The following TSNARE1 variants were observed in gnomAD, a reference collection of about 807,000 sequenced individuals.
TSNARE1 encodes the protein t-SNARE domain containing 1.
In TSNARE1, 49 loss-of-function variants were observed where a neutral mutation model predicts 62.0. That is an observed-to-expected ratio of 0.79 (90% CI 0.63 to 1.00). The LOEUF is 1.00. TSNARE1 is among the 50% of genes least tolerant of loss of function. The pLI is 0.00. For missense variants in TSNARE1, 755 were observed against 700.1 expected, an observed-to-expected ratio of 1.08 and a Z score of -0.88; for synonymous variants, 328 against 294.4, an observed-to-expected ratio of 1.11 and a Z score of -1.17.
intron 11 of TSNARE1, chr8:142,278,957 C>CTGCT (rs910975899): frequency 2.4e-5 from 6 of 252,852 alleles, no homozygotes; most frequent in Middle Eastern, 1.9e-3. Flanking sequence ...AGGTCACCTG[C>CTGCT]TGCTCCCTGG....
At position 142,255,479 on chromosome 8, in the gene TSNARE1, T is replaced by TCACCAC. The variant is rs1818396931; in HGVS notation, c.1446+19301_1446+19302insGTGGTG. Among the ~76,000 whole-genome samples, 2 of 22,234 alleles carry TCACCAC rather than the reference T, an allele frequency of 9.0e-5. 1 individual carries two copies. Among genetic ancestry groups the TCACCAC allele is most frequent in the Admixed American group, 9.2e-4 (2 of 2,174 alleles). 14.6% of individuals were successfully genotyped at this position (22,234 alleles called of 152,430 possible). ...ATCACCATCACCATCACCACCACCA[T>TCACCAC]CACCATCATCATCACCACCACCACC... is the stretch of plus-strand genomic sequence containing the variant. On this transcript the variant is annotated intron_variant, in intron 12 of 13. Coordinates refer to ENST00000524325, the MANE Select transcript of TSNARE1 (RefSeq NM_145003.5).
At chr8:142,219,830 C>T (rs548724115) in intron 13 of TSNARE1, among the ~76,000 whole-genome samples, 3 of 152,330 alleles carry the variant, frequency 2.0e-5, no homozygotes, top group Admixed American at 6.5e-5. Flanking sequence ...TCCTTCACCC[C>T]GAAGGCCCGC....
intron 1 of TSNARE1, 98 bp downstream of exon 1, chr8:142,403,006 C>G (rs1838418234): frequency 2.7e-5 from 4 of 148,950 alleles, no homozygotes; most frequent in Admixed American, 2.7e-4. Flanking sequence ...CCGCGGCCCC[C>G]GCCGGGCTCC....
intron 11 of TSNARE1, chr8:142,277,687 T>C (rs1284634352): frequency 1.5e-5 from 15 of 985,270 alleles, no homozygotes; most frequent in Non-Finnish European, 1.8e-5. Context: ...TCAAAGCAGC[T>C]CACAGGCACC....
intron 1 of TSNARE1, among the ~76,000 whole-genome samples, chr8:142,392,284 A>C (rs1837586356): frequency 6.6e-6 from 1 of 152,146 alleles, no homozygotes; most frequent in African/African-American, 2.4e-5. Context: ...GGCCTCCCAA[A>C]GTGCTGGGAT....
intron 12 of TSNARE1, among the ~76,000 whole-genome samples, chr8:142,241,768 C>T (rs921358261): frequency 6.6e-6 from 1 of 151,798 alleles, no homozygotes; most frequent in Non-Finnish European, 1.5e-5. Flanking sequence ...ACAGTCTCTG[C>T]AACAAATGGT....
At chr8:142,249,871 C>A (rs550106665) in intron 12 of TSNARE1, among the ~76,000 whole-genome samples, 2 of 152,236 alleles carry the variant, frequency 1.3e-5, no homozygotes, top group Non-Finnish European at 2.9e-5. Flanking sequence ...GCCAGACCGG[C>A]CCATGGTGGC....
intron 6 of TSNARE1, among the ~76,000 whole-genome samples, chr8:142,325,514 G>A (rs762906630): frequency 6.6e-6 from 1 of 152,212 alleles, no homozygotes; most frequent in East Asian, 1.9e-4. Flanking sequence ...TGAGAAGTGC[G>A]TGGACACGGG....
At position 142,275,224 on chromosome 8, in the gene TSNARE1, T is replaced by A. The variant is rs867507941; in HGVS notation, c.1364-361A>T. On this transcript the variant is annotated intron_variant, in intron 11 of 13. Coordinates refer to ENST00000524325, the MANE Select transcript of TSNARE1 (RefSeq NM_145003.5). ...TGCCTGGGCCAGCCCCTCCACTCTGTGGCCACGGCCCCCTCTGAAGGGGCA... is the reference window on the plus strand; with the variant it reads ...TGCCTGGGCCAGCCCCTCCACTCTGAGGCCACGGCCCCCTCTGAAGGGGCA... The A allele has an allele frequency of 3.0e-6, 3 of 985,272 alleles. No individual in the cohort carries two copies. The East Asian group carries it at 3.4e-4, about 112-fold the overall frequency. 61.0% of individuals were successfully genotyped at this position (985,272 alleles called of 1,614,324 possible). A position where few individuals can be genotyped will look rare whatever the true frequency, so the allele number is the denominator to read the frequency against.
intron 10 of TSNARE1, among the ~76,000 whole-genome samples, chr8:142,292,164 A>G (rs1034610315): frequency 6.6e-6 from 1 of 152,138 alleles, no homozygotes; most frequent in African/African-American, 2.4e-5. Flanking sequence ...CCCAGCCAGT[A>G]GCCAGAACAC....
intron 12 of TSNARE1, among the ~76,000 whole-genome samples, chr8:142,246,670 G>A (rs191068825): frequency 2.6e-5 from 4 of 152,286 alleles, no homozygotes; most frequent in Admixed American, 1.3e-4. Flanking sequence ...CGTCTTCCCC[G>A]TGGAGGCTGG....
At chr8:142,262,948 C>T (rs900976101) in intron 12 of TSNARE1, among the ~76,000 whole-genome samples, 8 of 152,324 alleles carry the variant, frequency 5.3e-5, no homozygotes, top group African/African-American at 1.2e-4. Context: ...GGACTTTAGA[C>T]GAGCCACTTC....
chr8:142,214,315 C>T (rs554095864), intron 13 of TSNARE1, among the ~76,000 whole-genome samples: 17 of 152,340 alleles, frequency 1.1e-4, no homozygotes, highest in African/African-American at 2.9e-4. Flanking sequence ...CCCTTCATTC[C>T]GCCATGGGGC....
chr8:142,373,615 A>ACGCCCC (rs953461455), intron 1 of TSNARE1, among the ~76,000 whole-genome samples: 1 of 149,796 alleles, frequency 6.7e-6, no homozygotes, highest in Non-Finnish European at 1.5e-5. Flanking sequence ...GCTCTCTGTG[A>ACGCCCC]CGCCCCCACC....
At chr8:142,245,450 C>G (rs1035088785) in intron 12 of TSNARE1, among the ~76,000 whole-genome samples, 7 of 152,194 alleles carry the variant, frequency 4.6e-5, no homozygotes, top group African/African-American at 1.7e-4. Context: ...ATAAATCATG[C>G]TAGGGTCACA....
Position 142,277,633 on chromosome 8 carries a change from G to C in TSNARE1, c.1364-2770C>G, listed in dbSNP as rs1168683989. On this transcript the variant is annotated intron_variant, in intron 11 of 13. Coordinates refer to ENST00000524325, the MANE Select transcript of TSNARE1 (RefSeq NM_145003.5). ...GGCCCTGTCCTAAGCACTCTCGCTT[G>C]GGAATTCAACACGTCAGTTGCTGTC... 5 of 985,314 alleles carry C rather than the reference G, an allele frequency of 5.1e-6. No homozygotes were observed. The African/African-American group carries it at 7.0e-5, about 14-fold the overall frequency. The allele number at this position is 985,314 out of a possible 1,614,324, so 61.0% of individuals were successfully genotyped here.
intron 1 of TSNARE1, among the ~76,000 whole-genome samples, chr8:142,369,006 G>A (rs1835749169): frequency 1.3e-5 from 2 of 152,198 alleles, no homozygotes; most frequent in South Asian, 4.1e-4. Flanking sequence ...CAGGGAGAGG[G>A]AAGGGTCACT....
chr8:142,269,470 A>G (rs1328156434), intron 12 of TSNARE1: 1 of 985,358 alleles, frequency 1.0e-6, no homozygotes, highest in Non-Finnish European at 1.2e-6. Flanking sequence ...GGCCACTGTC[A>G]GCCGTGCTGG....
chr8:142,308,931 T>C (rs1388692514), intron 9 of TSNARE1, among the ~76,000 whole-genome samples: 1 of 152,216 alleles, frequency 6.6e-6, no homozygotes, highest in Non-Finnish European at 1.5e-5. Context: ...GACATCTCCA[T>C]AAGCACAGCA....
Sources: gnomAD v4.1 joint callset for allele counts (sites outside exome capture counted in the v4.1 genomes callset) on GRCh38, gnomAD v4.1.1 for gene constraint, MANE v1.5 for transcripts, NCBI Gene and HGNC (gene_info 2026-07-23, HGNC 2026-07-21) for gene names.